The following FOCAD variants were observed in gnomAD, a reference collection of about 807,000 sequenced individuals.
The protein encoded by FOCAD is KIAA1797.
FOCAD carries 198 observed loss-of-function variants against 225.6 expected under a neutral mutation model. The observed-to-expected ratio is 0.88, with a 90% confidence interval of 0.78 to 0.99. FOCAD has a LOEUF of 0.99. Ranked by LOEUF, FOCAD falls within the 50% of genes least tolerant of loss-of-function variation. FOCAD has a pLI of 0.00. For synonymous variants in FOCAD, 897 were observed against 755.0 expected (o/e 1.19, Z -3.08); for missense variants, 2,713 against 2,123.6 (o/e 1.28, Z -5.46).
At chr9:20,797,451 A>G (rs1397806979) in intron 11 of FOCAD, among the ~76,000 whole-genome samples, 3 of 152,168 alleles carry the variant, frequency 2.0e-5, no homozygotes, top group Non-Finnish European at 2.9e-5. Flanking sequence ...ACCCATGAGC[A>G]TGGAATGTTT....
intron 2 of FOCAD, among the ~76,000 whole-genome samples, chr9:20,670,748 A>G (rs562001632): frequency 1.4e-5 from 2 of 144,906 alleles, no homozygotes; most frequent in South Asian, 4.1e-4. Flanking sequence ...CCGGAAGCTT[A>G]GAGAGTTAAT....
chr9:20,675,112 C>T (rs543078742), intron 2 of FOCAD, among the ~76,000 whole-genome samples: 1 of 152,142 alleles, frequency 6.6e-6, no homozygotes, highest in South Asian at 2.1e-4. Context: ...ATCTAGTTCT[C>T]TAAGTCTCAT....
chr9:20,874,561 G>A (rs1167471525), intron 18 of FOCAD, 120 bp from the exon 19 acceptor site: 4 of 962,074 alleles, frequency 4.2e-6, no homozygotes, highest in East Asian at 2.6e-5. Context: ...GGTCTTTTAT[G>A]TTATAGAGTG....
chr9:20,784,582 T>G (rs989615430), intron 10 of FOCAD, among the ~76,000 whole-genome samples: 2 of 152,186 alleles, frequency 1.3e-5, no homozygotes, highest in Non-Finnish European at 2.9e-5. Context: ...AAAATTCATC[T>G]TTATGAAACT....
rs192484079 is a variant in FOCAD at position 20,793,165 on chromosome 9, T to C, written c.1455+3557T>C. On this transcript the variant is annotated intron_variant, in intron 11 of 43. Transcript: ENST00000338382. Reference sequence around the variant, plus strand: ...GCTTGATAGATAAGAAGTAGTGTACTACTATTCCCTGGTAACCATAGCATC... The same window carrying C: ...GCTTGATAGATAAGAAGTAGTGTACCACTATTCCCTGGTAACCATAGCATC... Among the ~76,000 whole-genome samples the C allele has an allele frequency of 8.4e-4, 128 of 152,306 alleles. 1 individual carries two copies. The East Asian group carries it at 0.022, about 26-fold the overall frequency.
At chr9:20,804,614 G>A (rs1247302746) in intron 11 of FOCAD, among the ~76,000 whole-genome samples, 2 of 151,594 alleles carry the variant, frequency 1.3e-5, no homozygotes, top group Non-Finnish European at 2.9e-5. Flanking sequence ...TGTGCAAAAA[G>A]TGTTATTACA....
intron 4 of FOCAD, among the ~76,000 whole-genome samples, chr9:20,727,356 G>A (rs1029995182): frequency 6.6e-6 from 1 of 152,118 alleles, no homozygotes; most frequent in Non-Finnish European, 1.5e-5. Context: ...ATGTATTTAT[G>A]CTAAGATGTT....
At chr9:20,914,711 T>C (rs1449729637) in intron 23 of FOCAD, among the ~76,000 whole-genome samples, 2 of 152,104 alleles carry the variant, frequency 1.3e-5, no homozygotes, top group Non-Finnish European at 2.9e-5. Flanking sequence ...GGAGAGTCTT[T>C]GTCAGCACAA....
chr9:20,835,445 G>A (rs189793637), intron 15 of FOCAD, among the ~76,000 whole-genome samples: 44 of 152,160 alleles, frequency 2.9e-4, no homozygotes, highest in East Asian at 5.8e-4. Context: ...AAGTGTGAGT[G>A]TAGTTTAGGA....
chr9:20,756,727 A>G (rs1470315569), intron 5 of FOCAD, among the ~76,000 whole-genome samples: 3 of 152,232 alleles, frequency 2.0e-5, no homozygotes, highest in Non-Finnish European at 4.4e-5. Context: ...TGATCTTACT[A>G]GTAAGGCATC....
chr9:20,918,723 C>CA lies in FOCAD; in HGVS notation c.2852+1802dup, dbSNP rs59430546. Among the ~76,000 whole-genome samples, 365 of 114,396 alleles carry CA rather than the reference C, an allele frequency of 3.2e-3. 1 individual carries two copies. The highest frequency in any genetic ancestry group is 3.2e-3 in the Admixed American group (34 of 10,562). The allele number at this position is 114,396 out of a possible 152,430, so 75.0% of individuals were successfully genotyped here. ...TGGGTGACAGAGCGAGACTCCGTCT[C>CA]AAAAAAAAAAAAAAAACTTACAAAG... On this transcript the variant is annotated intron_variant, in intron 24 of 43. Transcript: ENST00000338382.
At position 20,765,074 on chromosome 9, in the gene FOCAD, G is replaced by A. The variant is rs767080332; in HGVS notation, c.699+1G>A. On this transcript the variant is annotated splice_donor_variant, in intron 7 of 43. Coordinates refer to ENST00000338382, the MANE Select transcript of FOCAD (RefSeq NM_001375567.1). LOFTEE classifies it high-confidence loss of function. ...TTGTGACATAGTTCCATGTTTGCAG[G>A]TAAGGTCTTTGTCCTCCTCCACAAA... 11 of 1,611,314 alleles carry A rather than the reference G, an allele frequency of 6.8e-6. No homozygotes were observed. The highest frequency in any genetic ancestry group is 9.3e-6 in the Non-Finnish European group (11 of 1,178,526).
chr9:20,888,135 T>TC (rs1831274564), intron 21 of FOCAD, among the ~76,000 whole-genome samples: 1 of 136,734 alleles, frequency 7.3e-6, no homozygotes, highest in South Asian at 2.3e-4. Context: ...TTTTTTTTTT[T>TC]CTTCTTTTTT....
rs749602777 is a variant in FOCAD, at chr9:20,981,681, A to T, written c.4633A>T (p.Ile1545Phe). The change falls in exon 38 of 44, where the codon ATT (isoleucine) becomes TTT (phenylalanine). Residue 1545 changes from isoleucine (I) to phenylalanine (F), a missense_variant. Coordinates refer to ENST00000338382, the MANE Select transcript of FOCAD (RefSeq NM_001375567.1). ...AATTTTTGACCTCCTGCCAAATAAG[A>T]TTCGGGTGAGGAACAAAAATATTTA... is the stretch of plus-strand genomic sequence containing the variant. ...GKIFDLLPNK[I>F]RRKDLELYIS... 5.0e-6 allele frequency: 8 copies of T among 1,604,396 alleles called. No homozygotes were observed. In the Admixed American group the frequency reaches 1.4e-4, roughly 28 times the overall value.
At chr9:20,957,831 T>G (rs1363659975) in intron 35 of FOCAD, among the ~76,000 whole-genome samples, 1 of 151,836 alleles carries the variant, frequency 6.6e-6, no homozygotes, top group African/African-American at 2.4e-5. Flanking sequence ...AACATCGTTA[T>G]GCATATAGCT....
At chr9:20,810,042 A>T (rs1007757690) in intron 11 of FOCAD, among the ~76,000 whole-genome samples, 4 of 152,154 alleles carry the variant, frequency 2.6e-5, no homozygotes, top group African/African-American at 7.2e-5. Flanking sequence ...CTCAGCATAG[A>T]GCTGTAACCA....
At chr9:20,891,869 G>A (rs375828873) in intron 21 of FOCAD, among the ~76,000 whole-genome samples, 10 of 152,182 alleles carry the variant, frequency 6.6e-5, no homozygotes, top group Non-Finnish European at 1.3e-4. Context: ...AAGATGCCTT[G>A]TAGAAATTTT....
Position 20,658,651 on chromosome 9 carries a change from T to C in FOCAD, c.-213-40T>C, listed in dbSNP as rs984814591. ...CCTGCTTCGGCTCGCGCACGGTGCA[T>C]GCACCCACTGACCTGCGCCCACTGT... On this transcript the variant is annotated intron_variant, in intron 1 of 45. Coordinates refer to the FOCAD transcript ENST00000380249. 1.2e-3 allele frequency: 194 copies of C among 155,246 alleles called. 1 individual carries two copies. Among genetic ancestry groups the C allele is most frequent in the Non-Finnish European group, 2.0e-3 (143 of 70,490 alleles). 9.6% of individuals were successfully genotyped at this position (155,246 alleles called of 1,614,324 possible).
intron 39 of FOCAD, among the ~76,000 whole-genome samples, chr9:20,984,362 T>C (rs1158693485): frequency 1.3e-5 from 2 of 152,218 alleles, no homozygotes; most frequent in South Asian, 2.1e-4. Flanking sequence ...AGGAACACTT[T>C]AGCTTCTTAA....
Sources: gnomAD v4.1 joint callset for allele counts (sites outside exome capture counted in the v4.1 genomes callset) on GRCh38, gnomAD v4.1.1 for gene constraint, MANE v1.5 for transcripts, NCBI Gene and HGNC (gene_info 2026-07-23, HGNC 2026-07-21) for gene names.